SLC39A11: variants seen among roughly 807,000 people sequenced by gnomAD.
The protein encoded by SLC39A11 is zinc transporter ZIP11.
SLC39A11 carries 33 observed loss-of-function variants against 36.1 expected under a neutral mutation model. That is an observed-to-expected ratio of 0.91 (90% CI 0.69 to 1.22). SLC39A11 has a LOEUF of 1.22. Among genes scored for constraint, SLC39A11 ranks in the 50% most tolerant of loss-of-function variants. The pLI is 0.00. For synonymous variants in SLC39A11, 166 were observed against 170.3 expected, an observed-to-expected ratio of 0.97 and a Z score of 0.20; for missense variants, 432 against 430.3, an observed-to-expected ratio of 1.00 and a Z score of -0.03.
intron 4 of SLC39A11, among the ~76,000 whole-genome samples, chr17:72,950,132 A>G (rs1426731542): frequency 6.6e-6 from 1 of 152,048 alleles, no homozygotes; most frequent in Non-Finnish European, 1.5e-5. Flanking sequence ...ATCTATTCTC[A>G]TTTGTCTAGA....
intron 6 of SLC39A11, among the ~76,000 whole-genome samples, chr17:72,812,059 A>C (rs1313971827): frequency 6.6e-5 from 10 of 152,248 alleles, no homozygotes; most frequent in Non-Finnish European, 1.5e-5. Flanking sequence ...GAACTTAGTG[A>C]ATCACTAAAT....
At chr17:72,852,177 C>A (rs527780474) in intron 5 of SLC39A11, among the ~76,000 whole-genome samples, 1 of 105,188 alleles carries the variant, frequency 9.5e-6, no homozygotes, top group African/African-American at 3.3e-5. Flanking sequence ...TGCACTCCAG[C>A]CTGGGCAACA....
At chr17:72,967,399 A>AGAGAGT (rs143987646) in intron 4 of SLC39A11, among the ~76,000 whole-genome samples, 149 of 138,270 alleles carry the variant, frequency 1.1e-3, no homozygotes, top group East Asian at 3.7e-3. Flanking sequence ...AGAGAGAGAG[A>AGAGAGT]GTGTGTGTGT....
rs555902040 is a variant in SLC39A11, at chr17:72,791,877, T to C, written c.602-55158A>G. Among the ~76,000 whole-genome samples the C allele has an allele frequency of 2.0e-5, 3 of 152,354 alleles. No homozygotes were observed. The South Asian group carries it at 6.2e-4, about 32-fold the overall frequency. ...CCTTCCACCATGATTGTAAGTTTCC[T>C]GAGGCCTCCCCAACCCTGCAGATCT... On this transcript the variant is annotated intron_variant, in intron 6 of 9. Transcript: ENST00000255559.
At chr17:72,922,178 GT>G (rs2083704922) in intron 5 of SLC39A11, among the ~76,000 whole-genome samples, 1 of 152,176 alleles carries the variant, frequency 6.6e-6, no homozygotes, top group Non-Finnish European at 1.5e-5. Context: ...GGTAATGAGA[GT>G]TGGGTATCAA....
At position 72,835,587 on chromosome 17, in the gene SLC39A11, A is replaced by T. The variant is rs60843470; in HGVS notation, c.601+14047T>A. On this transcript the variant is annotated intron_variant, in intron 6 of 9. Transcript: ENST00000255559. ...GTGATTCTCCTGCCTCAGCCTCCTG[A>T]GTAGTTGGGACTATAGGCATGTGCC... Among the ~76,000 whole-genome samples, 497 of 152,282 alleles carry T rather than the reference A, an allele frequency of 3.3e-3. 4 individuals are homozygous for T. Among genetic ancestry groups the T allele is most frequent in the African/African-American group, 0.011 (461 of 41,548 alleles).
chr17:72,755,071 C>CGTT (rs397732413), intron 6 of SLC39A11, among the ~76,000 whole-genome samples: 4 of 151,686 alleles, frequency 2.6e-5, no homozygotes, highest in African/African-American at 4.8e-5. Flanking sequence ...GGGGACACTC[C>CGTT]AGGACTGGTC....
intron 5 of SLC39A11, 162 bp downstream of exon 5, chr17:72,947,589 GC>G: frequency 1.0e-6 from 1 of 975,616 alleles, no homozygotes; most frequent in Non-Finnish European, 1.5e-6. Flanking sequence ...TGGGCCAGAT[GC>G]CAGTTTAGCT....
At chr17:72,718,134 C>T (rs1452504598) in intron 7 of SLC39A11, among the ~76,000 whole-genome samples, 2 of 152,120 alleles carry the variant, frequency 1.3e-5, no homozygotes, top group East Asian at 3.8e-4. Flanking sequence ...TCGTAATGAG[C>T]CAAATGAGGT....
At chr17:72,983,702 T>C (rs12942256) in intron 4 of SLC39A11, among the ~76,000 whole-genome samples, 78,766 of 152,006 alleles carry the variant, frequency 0.52, 21,351 homozygotes, top group Middle Eastern at 0.69. Context: ...TCACCACAGA[T>C]CCCTTTGTAC....
At chr17:72,805,405 T>C (rs972208062) in intron 6 of SLC39A11, among the ~76,000 whole-genome samples, 4 of 152,138 alleles carry the variant, frequency 2.6e-5, no homozygotes, top group African/African-American at 9.7e-5. Context: ...ATGAGGGAGA[T>C]TGATGGGTGA....
intron 7 of SLC39A11, among the ~76,000 whole-genome samples, chr17:72,654,548 G>A (rs1450622050): frequency 1.3e-5 from 2 of 152,124 alleles, no homozygotes; most frequent in Non-Finnish European, 2.9e-5. Flanking sequence ...CCCCTGCCCC[G>A]CCTTCCCAGA....
In SLC39A11 at chr17:72,832,325, G is replaced by T. The variant is rs118054428; in HGVS notation, c.601+17309C>A. On this transcript the variant is annotated intron_variant, in intron 6 of 9. Coordinates refer to ENST00000255559, the MANE Select transcript of SLC39A11 (RefSeq NM_139177.4). ...TTGGATTCGTCACGAGCCCCCTAGG[G>T]GCTTCACACACATACTGATTTTGCA... 2.9e-3 allele frequency among the ~76,000 whole-genome samples: 444 copies of T among 152,216 alleles called. 3 individuals carry two copies. Among genetic ancestry groups the T allele is most frequent in the Non-Finnish European group, 3.4e-3 (234 of 68,002 alleles).
intron 4 of SLC39A11, among the ~76,000 whole-genome samples, chr17:72,968,319 C>G (rs1484304218): frequency 6.6e-6 from 1 of 152,150 alleles, no homozygotes. Context: ...CCACCAGAGC[C>G]GAGACCAACT....
intron 3 of SLC39A11, among the ~76,000 whole-genome samples, chr17:73,084,521 G>C (rs1283299609): frequency 6.6e-6 from 1 of 150,692 alleles, no homozygotes; most frequent in Non-Finnish European, 1.5e-5. Context: ...TTTAGTTAGA[G>C]CCAACTATGT....
chr17:73,081,547 C>T (rs2060507823), intron 3 of SLC39A11, among the ~76,000 whole-genome samples: 1 of 151,366 alleles, frequency 6.6e-6, no homozygotes, highest in African/African-American at 2.4e-5. Context: ...ACACAATTCA[C>T]AATTGCAAAA....
At chr17:72,799,985 T>C (rs1333443635) in intron 6 of SLC39A11, among the ~76,000 whole-genome samples, 2 of 152,124 alleles carry the variant, frequency 1.3e-5, no homozygotes, top group African/African-American at 2.4e-5. Flanking sequence ...CCTACTGATA[T>C]GTGATGTCAC....
intron 4 of SLC39A11, among the ~76,000 whole-genome samples, chr17:72,994,348 T>G (rs558071116): frequency 1.3e-5 from 2 of 152,322 alleles, no homozygotes; most frequent in East Asian, 3.9e-4. Context: ...TGTTTTCATT[T>G]ATATACAATT....
In SLC39A11 at chr17:73,027,493, T is replaced by C. The variant is rs530770077; in HGVS notation, c.306+4063A>G. 1.1e-4 allele frequency among the ~76,000 whole-genome samples: 16 copies of C among 152,334 alleles called. No individual in the cohort carries two copies. The East Asian group carries it at 1.2e-3, about 11-fold the overall frequency. On this transcript the variant is annotated intron_variant, in intron 4 of 9. Transcript: ENST00000255559. The stretch of plus-strand genomic sequence containing the variant: ...CTCTACTTTATTCCCAGATAAATAA[T>C]TGAAAACAAACACCCAGTTTGGAGA...
Sources: gnomAD v4.1 joint callset for allele counts (sites outside exome capture counted in the v4.1 genomes callset) on GRCh38, gnomAD v4.1.1 for gene constraint, MANE v1.5 for transcripts, NCBI Gene and HGNC (gene_info 2026-07-23, HGNC 2026-07-21) for gene names.